The following TM9SF4 variants were observed in gnomAD, a reference collection of about 807,000 sequenced individuals.
TM9SF4 encodes the protein transmembrane 9 superfamily member 4.
Under a neutral mutation model 90.4 loss-of-function variants are expected in TM9SF4, and 26 were observed. The ratio of observed to expected loss-of-function variants is 0.29; its 90% CI spans 0.21 to 0.40. The LOEUF is 0.40. Among genes scored for constraint, TM9SF4 ranks in the 10% least tolerant of loss-of-function variants. The pLI is 1.00. For synonymous variants in TM9SF4, 293 were observed against 315.4 expected (o/e 0.93, Z 0.75); for missense variants, 549 against 834.8 (o/e 0.66, Z 4.22).
At chr20:32,118,615 A>G (rs1300563846) in intron 1 of TM9SF4, among the ~76,000 whole-genome samples, 1 of 122,914 alleles carries the variant, frequency 8.1e-6, no homozygotes, top group African/African-American at 4.5e-5. Flanking sequence ...TTATTTATTT[A>G]TTTATTTATT....
Position 32,142,191 on chromosome 20 carries a change from C to T in TM9SF4, c.528+296C>T, listed in dbSNP as rs78085623. 2.1e-4 allele frequency among the ~76,000 whole-genome samples: 32 copies of T among 152,124 alleles called. No individual in the cohort carries two copies. In the East Asian group the frequency reaches 5.8e-3, roughly 28 times the overall value. ...GAGAGGGCTAAGTAGTGGTCAAGAGCGTGCAGGCTCCCTGGGTTTGAATCC... is the reference window on the plus strand; with the variant it reads ...GAGAGGGCTAAGTAGTGGTCAAGAGTGTGCAGGCTCCCTGGGTTTGAATCC... On this transcript the variant is annotated intron_variant, in intron 5 of 17. Transcript: ENST00000398022.
At chr20:32,137,841 T>C (rs1479516781) in intron 3 of TM9SF4, among the ~76,000 whole-genome samples, 1 of 152,172 alleles carries the variant, frequency 6.6e-6, no homozygotes, top group Non-Finnish European at 1.5e-5. Flanking sequence ...ATTCTCACAA[T>C]AGCATGTAGA....
At chr20:32,139,450 A>C (rs2046639637) in intron 3 of TM9SF4, among the ~76,000 whole-genome samples, 2 of 151,490 alleles carry the variant, frequency 1.3e-5, no homozygotes, top group African/African-American at 4.9e-5. Context: ...CCTGGATTTC[A>C]CCTCCTTGGA....
intron 1 of TM9SF4, among the ~76,000 whole-genome samples, chr20:32,123,650 A>ACAT (rs1250074750): frequency 2.0e-5 from 3 of 150,498 alleles, no homozygotes; most frequent in Non-Finnish European, 3.0e-5. Context: ...TTTCCCTTAT[A>ACAT]CATTTATATA....
intron 1 of TM9SF4, among the ~76,000 whole-genome samples, chr20:32,122,509 G>A (rs1427369046): frequency 2.0e-5 from 3 of 151,004 alleles, no homozygotes; most frequent in African/African-American, 7.3e-5. Context: ...GGGCAGAGAC[G>A]CTCCTCACCT....
rs2046742885 is a variant in TM9SF4 at position 32,145,072 on chromosome 20, G to A, written c.653-19G>A. 6.2e-7 allele frequency: 1 copy of A among 1,607,204 alleles called. No individual in the cohort carries two copies. Among genetic ancestry groups the A allele is most frequent in the Non-Finnish European group, 8.5e-7 (1 of 1,173,622 alleles). On this transcript the variant is annotated intron_variant, in intron 6 of 17. Coordinates refer to ENST00000398022, the MANE Select transcript of TM9SF4 (RefSeq NM_014742.4). ...GCACTGGCCACCACAGGAACAGACT[G>A]AGTCTGTGTCTCTCTCAGACCTCAA...
At position 32,163,268 on chromosome 20, in the gene TM9SF4, A is replaced by AATATATATAT. The variant is rs1186662308; in HGVS notation, c.1779+1922_1779+1931dup. On this transcript the variant is annotated intron_variant, in intron 17 of 17. Transcript: ENST00000398022. The stretch of plus-strand genomic sequence containing the variant: ...CTCAAAAAAAAAAAAAAAAAAAAAA[A>AATATATATAT]ATATATATATATATATATATATATA... Among the ~76,000 whole-genome samples the AATATATATAT allele has an allele frequency of 2.4e-3, 175 of 74,172 alleles. 3 individuals carry two copies. Among genetic ancestry groups the AATATATATAT allele is most frequent in the African/African-American group, 9.2e-3 (154 of 16,680 alleles). 48.7% of individuals were successfully genotyped at this position (74,172 alleles called of 152,430 possible). A position where few individuals can be genotyped will look rare whatever the true frequency, so the allele number is the denominator to read the frequency against.
intron 1 of TM9SF4, among the ~76,000 whole-genome samples, chr20:32,125,473 G>T (rs894427156): frequency 1.3e-5 from 2 of 152,108 alleles, no homozygotes; most frequent in Admixed American, 1.3e-4. Flanking sequence ...TTCAAAGTGT[G>T]ATTTCAAGAG....
chr20:32,141,278 T>A (rs1443355552), intron 3 of TM9SF4, among the ~76,000 whole-genome samples: 1 of 130,496 alleles, frequency 7.7e-6, no homozygotes, highest in Non-Finnish European at 1.6e-5. Context: ...TGCTAAGGGG[T>A]CTGGTAGCAC....
chr20:32,166,869 G>C lies in TM9SF4; in HGVS notation c.*1425G>C, dbSNP rs1438576727. The C allele has an allele frequency of 6.6e-6, 1 of 152,130 alleles. No individual in the cohort carries two copies. Among genetic ancestry groups the C allele is most frequent in the Non-Finnish European group, 1.5e-5 (1 of 68,056 alleles). 9.4% of individuals were successfully genotyped at this position (152,130 alleles called of 1,614,324 possible). On this transcript the variant is annotated 3_prime_UTR_variant, in exon 18 of 18. Transcript: ENST00000398022. Reference sequence around the variant, plus strand: ...AACACAAGACAAAGCTCAGGATGCTGGTGATGCTAGGAAGATGTCCCTCCC... The same window carrying C: ...AACACAAGACAAAGCTCAGGATGCTCGTGATGCTAGGAAGATGTCCCTCCC...
intron 12 of TM9SF4, among the ~76,000 whole-genome samples, chr20:32,151,578 C>T (rs1053595512): frequency 2.0e-5 from 3 of 152,180 alleles, no homozygotes; most frequent in Non-Finnish European, 4.4e-5. Flanking sequence ...GTTCTGGCTG[C>T]GACGCTTCTG....
intron 1 of TM9SF4, among the ~76,000 whole-genome samples, chr20:32,116,861 T>C (rs1164728808): frequency 1.7e-5 from 2 of 119,592 alleles, no homozygotes; most frequent in African/African-American, 3.6e-5. Flanking sequence ...TTTTCCTTTT[T>C]CTTTTTTTTT....
intron 1 of TM9SF4, among the ~76,000 whole-genome samples, chr20:32,128,790 C>CTGTG (rs55977888): frequency 0.015 from 2,150 of 145,346 alleles, 54 homozygotes; most frequent in African/African-American, 0.049. Context: ...GTATTCCATT[C>CTGTG]TGTGTGTGTG....
rs2046258601 is a variant in TM9SF4, at chr20:32,118,530, G to A, written c.15+8775G>A. Among the ~76,000 whole-genome samples the A allele has an allele frequency of 1.3e-5, 2 of 151,924 alleles. 1 individual carries two copies. Among genetic ancestry groups the A allele is most frequent in the South Asian group, 4.2e-4 (2 of 4,798 alleles). On this transcript the variant is annotated intron_variant, in intron 1 of 17. Transcript: ENST00000398022. ...TCTAACTGCAGCCGTCGGACTCCTG[G>A]GCTCAGGTGATCCTCCCACGTAATT...
rs533520162 is a variant in TM9SF4, at chr20:32,126,758, G to A, written c.16-6255G>A. Among the ~76,000 whole-genome samples the A allele has an allele frequency of 5.3e-4, 79 of 148,494 alleles. 1 individual carries two copies. Among genetic ancestry groups the A allele is most frequent in the South Asian group, 3.0e-3 (14 of 4,736 alleles). ...TCTTTTTTTTTTTTTTTCCTGAGAC[G>A]AAGTCTCGCTCTTGTCCCCCAGGCT... On this transcript the variant is annotated intron_variant, in intron 1 of 17. Coordinates refer to ENST00000398022, the MANE Select transcript of TM9SF4 (RefSeq NM_014742.4).
intron 13 of TM9SF4, 29 bp downstream of exon 13, chr20:32,155,215 C>A (rs373682206): frequency 1.8e-5 from 28 of 1,586,574 alleles, no homozygotes; most frequent in Non-Finnish European, 2.3e-5. Context: ...CTTCCAGCCC[C>A]TCCCCAGCAA....
chr20:32,149,466 C>T (rs534259087), intron 9 of TM9SF4, among the ~76,000 whole-genome samples, 168 bp from the exon 10 acceptor site: 3 of 152,314 alleles, frequency 2.0e-5, no homozygotes, highest in Non-Finnish European at 4.4e-5. Context: ...TTTGTGGCCT[C>T]CTTTTCTTGT....
At position 32,133,597 on chromosome 20, in the gene TM9SF4, C is replaced by T. The variant is rs1255811802; in HGVS notation, c.129+471C>T. Among the ~76,000 whole-genome samples, 9 of 152,156 alleles carry T rather than the reference C, an allele frequency of 5.9e-5. No homozygotes were observed. In the South Asian group the frequency reaches 8.3e-4, roughly 14 times the overall value. On this transcript the variant is annotated intron_variant, in intron 2 of 17. Transcript: ENST00000398022. Reference sequence around the variant, plus strand: ...CAGTCAGACTTGTAACTTGCAGGAACAGTCATTAAAATAACTTTTACTGAG... The same window carrying T: ...CAGTCAGACTTGTAACTTGCAGGAATAGTCATTAAAATAACTTTTACTGAG...
chr20:32,133,045 C>T lies in TM9SF4; in HGVS notation c.48C>T (p.Ser16=). 6.2e-7 allele frequency: 1 copy of T among 1,614,128 alleles called. No homozygotes were observed. The highest frequency in any genetic ancestry group is 8.5e-7 in the Non-Finnish European group (1 of 1,180,018). The change falls in exon 2 of 18, where the codon TCC becomes TCT. Residue 16 remains serine (S), a synonymous_variant. Transcript: ENST00000398022. The stretch of plus-strand genomic sequence containing the variant: ...TGCCGTGGTCTTTACTGCTTTTCTC[C>T]CTGATGTGTGAAACAAGCGCCTTCT... ...DWLPWSLLLF[S]LMCETSAFYV...
Sources: gnomAD v4.1 joint callset for allele counts (sites outside exome capture counted in the v4.1 genomes callset) on GRCh38, gnomAD v4.1.1 for gene constraint, MANE v1.5 for transcripts, NCBI Gene and HGNC (gene_info 2026-07-23, HGNC 2026-07-21) for gene names.